The following KIF6 variants were observed in gnomAD, a reference collection of about 807,000 sequenced individuals.
KIF6 encodes kinesin-like protein KIF6.
KIF6 carries 106 observed loss-of-function variants against 112.7 expected under a neutral mutation model. The observed-to-expected ratio is 0.94, with a 90% confidence interval of 0.80 to 1.11. The LOEUF is 1.11. KIF6 is among the 50% of genes least tolerant of loss of function. KIF6 has a pLI of 0.00. For missense variants in KIF6, 929 were observed against 964.0 expected (o/e 0.96, Z 0.48); for synonymous variants, 339 against 339.9 (o/e 1.00, Z 0.03).
chr6:39,402,126 C>A (rs1768753109), intron 15 of KIF6, among the ~76,000 whole-genome samples: 1 of 152,120 alleles, frequency 6.6e-6, no homozygotes, highest in East Asian at 1.9e-4. Flanking sequence ...CTTGCTGCCT[C>A]AGTTTCCCTT....
chr6:39,654,649 TCTC>T (rs1265455111), intron 3 of KIF6, among the ~76,000 whole-genome samples: 6 of 152,184 alleles, frequency 3.9e-5, no homozygotes, highest in African/African-American at 1.4e-4. Context: ...TGAATATAAT[TCTC>T]CTCCTCATCC....
chr6:39,414,739 G>A (rs1769775554), intron 15 of KIF6, among the ~76,000 whole-genome samples: 2 of 152,300 alleles, frequency 1.3e-5, no homozygotes, highest in Non-Finnish European at 2.9e-5. Flanking sequence ...CAGGGAAACT[G>A]AATAACAACT....
At chr6:39,723,412 G>C (rs1353934114) in intron 1 of KIF6, among the ~76,000 whole-genome samples, 1 of 152,120 alleles carries the variant, frequency 6.6e-6, no homozygotes, top group East Asian at 1.9e-4. Context: ...TTCCGAAAAG[G>C]GGATAGCTTT....
intron 8 of KIF6, among the ~76,000 whole-genome samples, chr6:39,585,320 G>C (rs1008109713): frequency 5.3e-5 from 8 of 152,150 alleles, no homozygotes; most frequent in African/African-American, 1.9e-4. Flanking sequence ...CGCATGTGCA[G>C]TTCACAATTG....
At chr6:39,570,657 T>C (rs1161316243) in intron 10 of KIF6, among the ~76,000 whole-genome samples, 1 of 151,708 alleles carries the variant, frequency 6.6e-6, no homozygotes, top group Non-Finnish European at 1.5e-5. Flanking sequence ...ATCATGGGGG[T>C]GTTTACCCCC....
intron 16 of KIF6, among the ~76,000 whole-genome samples, chr6:39,373,482 AAC>A (rs1335048992): frequency 1.3e-5 from 2 of 152,212 alleles, no homozygotes; most frequent in Admixed American, 1.3e-4. Flanking sequence ...CTAAAGACTC[AAC>A]CAAAAAACTT....
chr6:39,478,253 C>T (rs1014985992), intron 13 of KIF6, among the ~76,000 whole-genome samples: 1 of 152,144 alleles, frequency 6.6e-6, no homozygotes, highest in African/African-American at 2.4e-5. Flanking sequence ...GCCTTTGTAT[C>T]CTCATAGCTT....
chr6:39,531,917 C>T (rs1018063876), intron 13 of KIF6, among the ~76,000 whole-genome samples: 4 of 152,156 alleles, frequency 2.6e-5, no homozygotes, highest in African/African-American at 9.7e-5. Context: ...TCGTCCCAGC[C>T]TTTCACTCCC....
intron 7 of KIF6, 80 bp downstream of exon 7, chr6:39,595,974 T>G: frequency 9.0e-7 from 1 of 1,105,586 alleles, no homozygotes; most frequent in Non-Finnish European, 1.3e-6. Context: ...AAAAAAATTC[T>G]AATAGAATGC....
intron 13 of KIF6, among the ~76,000 whole-genome samples, chr6:39,477,634 T>C (rs4562133): frequency 0.26 from 40,242 of 152,108 alleles, 6,151 homozygotes; most frequent in African/African-American, 0.41. Flanking sequence ...AGGCCAAGGC[T>C]GGTGGATCAC....
intron 13 of KIF6, among the ~76,000 whole-genome samples, chr6:39,454,329 G>T (rs1210042243): frequency 1.3e-5 from 2 of 152,056 alleles, no homozygotes; most frequent in Non-Finnish European, 1.5e-5. Flanking sequence ...AGAGTAATAA[G>T]ATCCAACACA....
intron 18 of KIF6, 115 bp downstream of exon 18, chr6:39,360,280 G>T (rs1765026730): frequency 8.5e-7 from 1 of 1,180,342 alleles, no homozygotes; most frequent in Non-Finnish European, 1.2e-6. Flanking sequence ...TTCATGAGCA[G>T]GGGCTGAGAC....
intron 20 of KIF6, among the ~76,000 whole-genome samples, chr6:39,346,079 TCTCTCTC>T (rs1763716337): frequency 1.4e-4 from 3 of 21,334 alleles, no homozygotes; most frequent in Non-Finnish European, 2.5e-4. Flanking sequence ...TCTCTCTCTC[TCTCTCTC>T]CCCCCCCTCT....
chr6:39,645,637 CCAGGCTTTGGTATCAGGA>C (rs1785126707), intron 3 of KIF6, among the ~76,000 whole-genome samples: 2 of 152,014 alleles, frequency 1.3e-5, no homozygotes, highest in Admixed American at 1.3e-4. Flanking sequence ...TGTGTCTCTG[CCAGGCTTTGGTATCAGGA>C]TGATGCTGGC....
intron 15 of KIF6, among the ~76,000 whole-genome samples, chr6:39,406,701 C>T (rs1403660411): frequency 6.6e-6 from 1 of 151,902 alleles, no homozygotes; most frequent in Non-Finnish European, 1.5e-5. Flanking sequence ...TATCTTGGGA[C>T]TTTCTTTTTG....
chr6:39,393,613 T>C (rs1008840924), intron 15 of KIF6, among the ~76,000 whole-genome samples: 2 of 152,174 alleles, frequency 1.3e-5, no homozygotes, highest in Non-Finnish European at 2.9e-5. Context: ...TAAAAACCTC[T>C]GTGTGTATGT....
chr6:39,596,090 G>T lies in KIF6; in HGVS notation c.810C>A (p.Ala270=), dbSNP rs761306688. The T allele has an allele frequency of 2.5e-6, 4 of 1,613,828 alleles. No individual in the cohort carries two copies. Among genetic ancestry groups the T allele is most frequent in the Non-Finnish European group, 3.4e-6 (4 of 1,179,920 alleles). ...TGVGGHLLTE[A]KYINLSLHYL... ...AATGTAGTGACAAGTTGATATACTT[G>T]GCCTCTGTTAGAAGATGGCCCCCTA... The change falls in exon 7 of 23, where the codon GCC becomes GCA. Residue 270 remains alanine (A), a synonymous_variant. Coordinates refer to ENST00000287152, the MANE Select transcript of KIF6 (RefSeq NM_145027.6).
intron 13 of KIF6, among the ~76,000 whole-genome samples, chr6:39,536,915 G>A (rs1253106538): frequency 3.3e-5 from 5 of 151,924 alleles, no homozygotes; most frequent in African/African-American, 1.2e-4. Context: ...TTCAATATAT[G>A]CAAATCAATA....
At position 39,332,564 on chromosome 6, in the gene KIF6, CTA is replaced by C. The variant is rs1271074757; in HGVS notation, c.*3966_*3967del. 6.6e-6 allele frequency: 1 copy of C among 152,156 alleles called. No homozygotes were observed. Among genetic ancestry groups the C allele is most frequent in the Non-Finnish European group, 1.5e-5 (1 of 68,042 alleles). The allele number at this position is 152,156 out of a possible 1,614,324, so 9.4% of individuals were successfully genotyped here. A position where few individuals can be genotyped will look rare whatever the true frequency, so the allele number is the denominator to read the frequency against. On this transcript the variant is annotated 3_prime_UTR_variant, in exon 23 of 23. Transcript: ENST00000287152. The stretch of plus-strand genomic sequence containing the variant: ...TTCTGAGGCAGTACCTTATGTGTCT[CTA>C]TACAATGACTGTTTTGGGAGGTTTC...
Sources: gnomAD v4.1 joint callset for allele counts (sites outside exome capture counted in the v4.1 genomes callset) on GRCh38, gnomAD v4.1.1 for gene constraint, MANE v1.5 for transcripts, NCBI Gene and HGNC (gene_info 2026-07-23, HGNC 2026-07-21) for gene names.